NUP50: variants seen among roughly 807,000 people sequenced by gnomAD.
NUP50 encodes nucleoporin 50.
Under a neutral mutation model 36.8 loss-of-function variants are expected in NUP50, and 14 were observed. That is an observed-to-expected ratio of 0.38 (90% confidence interval 0.25 to 0.59). The LOEUF (loss-of-function observed/expected upper bound fraction) is 0.59, where lower values mean the gene tolerates loss of function less well. NUP50 is among the 20% of genes least tolerant of loss of function. NUP50 has a pLI of 0.63. For synonymous variants in NUP50, 195 were observed against 210.8 expected (o/e 0.93, Z 0.65); for missense variants, 455 against 564.6 (o/e 0.81, Z 1.97).
At chr22:45,171,516 C>T (rs970416077) in intron 2 of NUP50, 84 bp from the exon 3 acceptor site, 10 of 1,258,576 alleles carry the variant, frequency 7.9e-6, no homozygotes, top group South Asian at 1.2e-5. Flanking sequence ...CACAGTGGCT[C>T]AGTTCTAGCT....
chr22:45,184,251 A>G, intron 7 of NUP50: 1 of 589,446 alleles, frequency 1.7e-6, no homozygotes, highest in Non-Finnish European at 3.0e-6. Flanking sequence ...GGAGGACGGA[A>G]GGCCACTCCT....
chr22:45,184,835 A>C lies in NUP50; in HGVS notation c.*180A>C. The C allele has an allele frequency of 1.6e-6, 1 of 615,824 alleles. No individual in the cohort carries two copies. Among genetic ancestry groups the C allele is most frequent in the Non-Finnish European group, 2.9e-6 (1 of 340,396 alleles). The allele number at this position is 615,824 out of a possible 1,614,324, so 38.1% of individuals were successfully genotyped here. ...TAAATGTTAAGTGTCAAGAAACTGC[A>C]CTCTCCCTTCTTAAGAACTGCCTAA... On this transcript the variant is annotated 3_prime_UTR_variant, in exon 8 of 8. Coordinates refer to ENST00000347635, the MANE Select transcript of NUP50 (RefSeq NM_007172.4).
intron 4 of NUP50, 82 bp downstream of exon 4, chr22:45,176,162 A>C: frequency 6.9e-7 from 1 of 1,441,872 alleles, no homozygotes; most frequent in Non-Finnish European, 9.4e-7. Flanking sequence ...TCTTATAGCT[A>C]CCCTGTGTCT....
chr22:45,179,666 C>T (rs2074335101), intron 5 of NUP50, among the ~76,000 whole-genome samples: 1 of 152,220 alleles, frequency 6.6e-6, no homozygotes, highest in African/African-American at 2.4e-5. Context: ...GGAAGGCTCA[C>T]CTGAGGCCAG....
At position 45,184,947 on chromosome 22, in the gene NUP50, G is replaced by GCAAT. The variant is rs2074446280; in HGVS notation, c.*295_*298dup. ...ACCCTAAGTGATTTCTTCAAGGACT[G>GCAAT]CAATCAGGGTATCAATTTGCTTTCC... On this transcript the variant is annotated 3_prime_UTR_variant, in exon 8 of 8. Transcript: ENST00000347635. The GCAAT allele has an allele frequency of 2.5e-6, 1 of 405,754 alleles. No individual in the cohort carries two copies. Among genetic ancestry groups the GCAAT allele is most frequent in the Non-Finnish European group, 4.5e-6 (1 of 220,460 alleles). The allele number at this position is 405,754 out of a possible 1,614,324, so 25.1% of individuals were successfully genotyped here.
rs1276549343 is a variant in NUP50 at position 45,178,492 on chromosome 22, C to G, written c.595C>G (p.Gln199Glu). The change falls in exon 5 of 8, where the codon CAG becomes GAG. Residue 199 changes from glutamine to glutamate, a missense_variant. Gln to Glu is a conservative substitution (Grantham distance 29, BLOSUM62 2). Transcript: ENST00000347635. ...DYEKYLANIE[Q>E]QHGNSGRNSE... is the part of the protein sequence containing the mutation. ...TGAGAAATATTTAGCAAACATTGAA[C>G]AGCAACACGGGAACAGTGGCAGGAA... is the stretch of plus-strand genomic sequence containing the variant. 4.3e-6 allele frequency: 7 copies of G among 1,612,274 alleles called. No homozygotes were observed. Among genetic ancestry groups the G allele is most frequent in the Non-Finnish European group, 5.9e-6 (7 of 1,179,874 alleles).
intron 5 of NUP50, chr22:45,180,314 C>G (rs1485216464): frequency 6.6e-6 from 1 of 152,154 alleles, no homozygotes; most frequent in Non-Finnish European, 1.5e-5. Context: ...CTTAGAATTG[C>G]TTTTTGGTGA....
rs59420220 is a variant in NUP50, at chr22:45,183,657, ATAGTTTT to A, written c.1204+138_1204+144del. Reference sequence around the variant, plus strand: ...AAATTCATCCTGTATTTACTTATTTATAGTTTTGAGTCCCAGGATAATAGTGTGTAAG... The same window carrying A: ...AAATTCATCCTGTATTTACTTATTTAGAGTCCCAGGATAATAGTGTGTAAG... On this transcript the variant is annotated intron_variant, in intron 7 of 7. Coordinates refer to ENST00000347635, the MANE Select transcript of NUP50 (RefSeq NM_007172.4). 2.7e-3 allele frequency: 1,768 copies of A among 659,728 alleles called. 15 individuals are homozygous for A. In the African/African-American group the frequency reaches 0.028, roughly 10 times the overall value. 40.9% of individuals were successfully genotyped at this position (659,728 alleles called of 1,614,324 possible). A position where few individuals can be genotyped will look rare whatever the true frequency, so the allele number is the denominator to read the frequency against.
chr22:45,182,696 C>T lies in NUP50; in HGVS notation c.1086-706C>T, dbSNP rs562678961. ...CTGGAGTGCAGTGGCACAATCTCGG[C>T]TCACTGCAAGCTCCGCCTCCCAGGT... On this transcript the variant is annotated intron_variant, in intron 6 of 7. Coordinates refer to ENST00000347635, the MANE Select transcript of NUP50 (RefSeq NM_007172.4). 2.9e-4 allele frequency among the ~76,000 whole-genome samples: 40 copies of T among 136,094 alleles called. No homozygotes were observed. The Admixed American group carries it at 3.2e-3, about 11-fold the overall frequency. The allele number at this position is 136,094 out of a possible 152,430, so 89.3% of individuals were successfully genotyped here. A position where few individuals can be genotyped will look rare whatever the true frequency, so the allele number is the denominator to read the frequency against.
intron 1 of NUP50, chr22:45,166,266 A>T (rs1037822723): frequency 2.7e-5 from 4 of 146,074 alleles, no homozygotes; most frequent in Non-Finnish European, 6.0e-5. Context: ...CTCCACAGCT[A>T]ATTTTTTTTT....
At chr22:45,183,561 T>G (rs777596315) in intron 7 of NUP50, 41 bp downstream of exon 7, 1 of 1,249,456 alleles carries the variant, frequency 8.0e-7, no homozygotes, top group South Asian at 1.2e-5. Context: ...CATCATCACA[T>G]AGTATATAAA....
intron 1 of NUP50, 78 bp from the exon 2 acceptor site, chr22:45,168,090 G>C: frequency 9.3e-7 from 1 of 1,075,088 alleles, no homozygotes; most frequent in African/African-American, 1.6e-5. Flanking sequence ...CTCACTTCAT[G>C]CTAGAGTGAA....
chr22:45,168,132 C>T (rs1456268522), intron 1 of NUP50, 36 bp from the exon 2 acceptor site: 1 of 1,445,320 alleles, frequency 6.9e-7, no homozygotes, highest in East Asian at 2.3e-5. Flanking sequence ...ATTTATTCTT[C>T]TAGAAAAATA....
intron 2 of NUP50, 50 bp downstream of exon 2, chr22:45,168,296 C>G: frequency 6.8e-7 from 1 of 1,473,942 alleles, no homozygotes; most frequent in South Asian, 1.2e-5. Context: ...TTGCCTTTTA[C>G]ATTCATTTTG....
Position 45,175,999 on chromosome 22 carries a change from G to C in NUP50, c.259G>C (p.Gly87Arg). The change falls in exon 4 of 8, where the codon GGA (glycine) becomes CGA (arginine). Residue 87 changes from glycine (G) to arginine (R), a missense_variant. Physicochemically the swap from Gly to Arg is moderately radical, Grantham distance 125. This residue lies in a region of NUP50 where 166 missense variants were observed against 202.8 expected (regional missense o/e 0.82). Transcript: ENST00000347635. ...TGGCGCTGGAGGGAAGCCTTTGGAA[G>C]GACTGTCGAATGGAAACAACATAAC... Reference protein sequence around the residue: ...GSGAGGKPLEGLSNGNNITSA... With the variant: ...GSGAGGKPLERLSNGNNITSA... The C allele has an allele frequency of 6.2e-7, 1 of 1,614,188 alleles. No individual in the cohort carries two copies. The highest frequency in any genetic ancestry group is 1.1e-5 in the South Asian group (1 of 91,092).
chr22:45,181,302 G>A lies in NUP50; in HGVS notation c.1020G>A (p.Glu340=). The change falls in exon 6 of 8, where the codon GAG becomes GAA. Residue 340 remains glutamate (E), a synonymous_variant. Coordinates refer to ENST00000347635, the MANE Select transcript of NUP50 (RefSeq NM_007172.4). The part of the protein sequence containing the change: ...SGECKGGDEE[E]NDEPPKVVVT... ...TTATAAAAGGTGGAGATGAAGAAGA[G>A]AATGATGAGCCACCCAAAGTAGTAG... is the stretch of plus-strand genomic sequence containing the variant. 1 of 1,594,874 alleles carries A rather than the reference G, an allele frequency of 6.3e-7. No homozygotes were observed.
chr22:45,183,119 T>G (rs2074408519), intron 6 of NUP50, among the ~76,000 whole-genome samples: 1 of 150,974 alleles, frequency 6.6e-6, no homozygotes, highest in African/African-American at 2.4e-5. Flanking sequence ...GAGCCCTGAT[T>G]TTGACTGACT....
In NUP50 at chr22:45,168,539, A is replaced by G. The variant is rs75344657; in HGVS notation, c.69+293A>G. Among the ~76,000 whole-genome samples, 1,008 of 152,266 alleles carry G rather than the reference A, an allele frequency of 6.6e-3. 9 individuals carry two copies. Among genetic ancestry groups the G allele is most frequent in the African/African-American group, 0.023 (955 of 41,532 alleles). ...AAGCACTTTTCCTCCTGAGTTTCGT[A>G]TACTTGAAGCATTCTGAACCCATGT... On this transcript the variant is annotated intron_variant, in intron 2 of 7. Coordinates refer to ENST00000347635, the MANE Select transcript of NUP50 (RefSeq NM_007172.4).
At chr22:45,178,161 A>G in intron 4 of NUP50, 77 bp from the exon 5 acceptor site, 2 of 1,315,888 alleles carry the variant, frequency 1.5e-6, no homozygotes, top group Non-Finnish European at 2.1e-6. Flanking sequence ...GAAAGTATGA[A>G]GGCAGAGTGG....
Sources: gnomAD v4.1 joint callset for allele counts (sites outside exome capture counted in the v4.1 genomes callset) on GRCh38, gnomAD v4.1.1 for gene constraint, gnomAD v4.1.1 regional missense constraint, MANE v1.5 for transcripts, NCBI Gene and HGNC (gene_info 2026-07-23, HGNC 2026-07-21) for gene names.